Variants in PGM2L1 observed in about 807,000 individuals in gnomAD.
The protein encoded by PGM2L1 is glucose 1,6-bisphosphate synthase.
PGM2L1 carries 35 observed loss-of-function variants against 73.4 expected under a neutral mutation model. That is an observed-to-expected ratio of 0.48 (90% CI 0.36 to 0.63). The LOEUF (loss-of-function observed/expected upper bound fraction) is 0.63, where lower values mean the gene tolerates loss of function less well. Ranked by LOEUF, PGM2L1 falls within the 30% of genes least tolerant of loss-of-function variation. The pLI is 0.00. For synonymous variants in PGM2L1, 225 were observed against 253.8 expected (o/e 0.89, Z 1.08); for missense variants, 570 against 742.0 (o/e 0.77, Z 2.69).
intron 5 of PGM2L1, 52 bp from the exon 6 acceptor site, chr11:74,351,628 T>C (rs764997685): frequency 6.9e-7 from 1 of 1,454,782 alleles, no homozygotes; most frequent in Non-Finnish European, 9.4e-7. Context: ...TGCCAGATCT[T>C]TTCTTGTCTA....
chr11:74,374,906 T>C (rs1384713435), intron 1 of PGM2L1, among the ~76,000 whole-genome samples: 1 of 152,174 alleles, frequency 6.6e-6, no homozygotes, highest in African/African-American at 2.4e-5. Context: ...ATCAATTAAG[T>C]TAGAGTCTAT....
chr11:74,377,513 T>G (rs1251923995), intron 1 of PGM2L1, among the ~76,000 whole-genome samples: 1 of 152,120 alleles, frequency 6.6e-6, no homozygotes, highest in East Asian at 1.9e-4. Context: ...ATATACAGTG[T>G]TTTCATTTCT....
At chr11:74,350,897 A>AAGAG (rs35421915) in intron 6 of PGM2L1, among the ~76,000 whole-genome samples, 121 of 146,434 alleles carry the variant, frequency 8.3e-4, no homozygotes, top group Admixed American at 2.1e-3. Flanking sequence ...GAAAGAAAGA[A>AAGAG]AGAGAGAGAG....
intron 4 of PGM2L1, 72 bp downstream of exon 4, chr11:74,370,830 T>A: frequency 7.4e-7 from 1 of 1,352,038 alleles, no homozygotes; most frequent in South Asian, 1.2e-5. Context: ...CAAAAAATAT[T>A]TGAATCCTAG....
At position 74,354,563 on chromosome 11, in the gene PGM2L1, C is replaced by T. The variant is rs992136823; in HGVS notation, c.556-2987G>A. ...CCATTTTGAGCAATGGGAATGCTCA[C>T]GAACTGTGTGGTAATGAAAGACCCA... is the stretch of plus-strand genomic sequence containing the variant. On this transcript the variant is annotated intron_variant, in intron 5 of 13. Coordinates refer to ENST00000298198, the MANE Select transcript of PGM2L1 (RefSeq NM_173582.6). 34 of 1,144,986 alleles carry T rather than the reference C, an allele frequency of 3.0e-5. No homozygotes were observed. In the African/African-American group the frequency reaches 3.3e-4, roughly 11 times the overall value. The allele number at this position is 1,144,986 out of a possible 1,614,324, so 70.9% of individuals were successfully genotyped here.
At chr11:74,337,545 A>C (rs761165648) in intron 13 of PGM2L1, among the ~76,000 whole-genome samples, 2 of 152,240 alleles carry the variant, frequency 1.3e-5, no homozygotes, top group Non-Finnish European at 2.9e-5. Flanking sequence ...TATATTGAGC[A>C]ATTACAATAT....
At chr11:74,384,783 T>C (rs1862997199) in intron 1 of PGM2L1, among the ~76,000 whole-genome samples, 2 of 152,170 alleles carry the variant, frequency 1.3e-5, no homozygotes, top group African/African-American at 2.4e-5. Context: ...GAATATAGTC[T>C]GTATGCGGAG....
At position 74,398,101 on chromosome 11, in the gene PGM2L1, C is replaced by G. The variant is rs1196095170; in HGVS notation, c.61G>C (p.Gly21Arg). Residue 21 changes from glycine to arginine, a missense_variant, in exon 1 of 14, where the codon GGG becomes CGG. Gly to Arg is a moderately radical substitution (Grantham distance 125, BLOSUM62 -2). Transcript: ENST00000298198. Reference sequence around the variant, plus strand: ...ATGGCCGTGTCCAGCTGAGGGTCCCCGGTGTGGTAGGGGGCGTGGAGCAGG... The same window carrying G: ...ATGGCCGTGTCCAGCTGAGGGTCCCGGGTGTGGTAGGGGGCGTGGAGCAGG... ...SNLLHAPYHT[G>R]DPQLDTAIGQ... The G allele has an allele frequency of 1.2e-6, 2 of 1,612,636 alleles. No individual in the cohort carries two copies. The highest frequency in any genetic ancestry group is 2.2e-5 in the East Asian group (1 of 44,796).
intron 12 of PGM2L1, among the ~76,000 whole-genome samples, chr11:74,340,863 G>A (rs1862171480): frequency 1.3e-5 from 2 of 152,014 alleles, no homozygotes; most frequent in African/African-American, 4.8e-5. Flanking sequence ...TAGTAGCTGA[G>A]GTATGGGCCT....
At chr11:74,345,237 A>G (rs986349219) in intron 9 of PGM2L1, among the ~76,000 whole-genome samples, 1 of 152,202 alleles carries the variant, frequency 6.6e-6, no homozygotes, top group African/African-American at 2.4e-5. Flanking sequence ...ATAAGTATTA[A>G]TGTAATTTTT....
intron 7 of PGM2L1, 104 bp from the exon 8 acceptor site, chr11:74,346,933 A>T: frequency 9.3e-7 from 1 of 1,069,818 alleles, no homozygotes. Flanking sequence ...TTTAGAAGGC[A>T]TAGAATTCAG....
chr11:74,360,531 A>C (rs994720354), intron 5 of PGM2L1, among the ~76,000 whole-genome samples: 2 of 152,048 alleles, frequency 1.3e-5, no homozygotes. Flanking sequence ...TACCGGGTTC[A>C]TCTCACTGGG....
chr11:74,373,652 G>C (rs1244002317), intron 2 of PGM2L1, among the ~76,000 whole-genome samples: 1 of 152,122 alleles, frequency 6.6e-6, no homozygotes, highest in African/African-American at 2.4e-5. Context: ...CTCTCATGTG[G>C]ATATAGAAAA....
intron 8 of PGM2L1, among the ~76,000 whole-genome samples, chr11:74,346,420 T>C (rs1009494070): frequency 6.6e-6 from 1 of 152,062 alleles, no homozygotes; most frequent in Non-Finnish European, 1.5e-5. Flanking sequence ...ATGCTTACAC[T>C]GTAAGCATTA....
At position 74,347,793 on chromosome 11, in the gene PGM2L1, C is replaced by G. The variant is rs367619021; in HGVS notation, c.750-456G>C. Among the ~76,000 whole-genome samples, 40 of 152,226 alleles carry G rather than the reference C, an allele frequency of 2.6e-4. No individual in the cohort carries two copies. The South Asian group carries it at 8.3e-3, about 32-fold the overall frequency. On this transcript the variant is annotated intron_variant, in intron 6 of 13. Transcript: ENST00000298198. Reference sequence around the variant, plus strand: ...TCCAATACCCCAAATCTTGTTGAACCCAAATGTGTTCCTTTTCCAGGCTTG... The same window carrying G: ...TCCAATACCCCAAATCTTGTTGAACGCAAATGTGTTCCTTTTCCAGGCTTG...
chr11:74,339,535 C>T (rs1261223526), intron 12 of PGM2L1, among the ~76,000 whole-genome samples: 1 of 152,158 alleles, frequency 6.6e-6, no homozygotes, highest in African/African-American at 2.4e-5. Context: ...GAGATCTTCC[C>T]TTCTTTTTCA....
At chr11:74,355,572 AAAAAAAATT>A (rs1862435902) in intron 5 of PGM2L1, 8 of 235,968 alleles carry the variant, frequency 3.4e-5, no homozygotes, top group South Asian at 1.8e-4. Flanking sequence ...AAAAAAAAAA[AAAAAAAATT>A]TGGATCCATG....
chr11:74,363,801 C>T (rs1364122401), intron 5 of PGM2L1, among the ~76,000 whole-genome samples: 1 of 152,156 alleles, frequency 6.6e-6, no homozygotes, highest in South Asian at 2.1e-4. Flanking sequence ...GAGCTGGTAC[C>T]ATTCCTTCTG....
intron 1 of PGM2L1, among the ~76,000 whole-genome samples, chr11:74,394,245 G>A (rs1263801538): frequency 6.6e-6 from 1 of 152,094 alleles, no homozygotes; most frequent in African/African-American, 2.4e-5. Flanking sequence ...TTCTCCTATG[G>A]TGCATCTAGA....
Sources: gnomAD v4.1 joint callset for allele counts (sites outside exome capture counted in the v4.1 genomes callset) on GRCh38, gnomAD v4.1.1 for gene constraint, MANE v1.5 for transcripts, NCBI Gene and HGNC (gene_info 2026-07-23, HGNC 2026-07-21) for gene names.